Variants in FHOD3 observed in about 807,000 individuals in gnomAD.
FHOD3 encodes the protein FH1/FH2 domain-containing protein 3.
In FHOD3, 90 loss-of-function variants were observed where a neutral mutation model predicts 173.0. The observed-to-expected ratio is 0.52, with a 90% CI of 0.44 to 0.62. The LOEUF (loss-of-function observed/expected upper bound fraction) is 0.62, where lower values mean the gene tolerates loss of function less well. Ranked by LOEUF, FHOD3 falls within the 20% of genes least tolerant of loss-of-function variation. The pLI is 0.00. For synonymous variants in FHOD3, 828 were observed against 823.0 expected (o/e 1.01, Z -0.10); for missense variants, 1,945 against 2,034.7 (o/e 0.96, Z 0.85).
intron 1 of FHOD3, among the ~76,000 whole-genome samples, chr18:36,304,352 GAGTTAA>G (rs1195946377): frequency 6.6e-6 from 1 of 152,174 alleles, no homozygotes; most frequent in Non-Finnish European, 1.5e-5. Flanking sequence ...GATAGACTGT[GAGTTAA>G]AGTTGGATTA....
chr18:36,374,463 T>C (rs2047337272), intron 3 of FHOD3, among the ~76,000 whole-genome samples: 1 of 152,256 alleles, frequency 6.6e-6, no homozygotes, highest in Non-Finnish European at 1.5e-5. Context: ...AAATATTTCA[T>C]AAACTAATTA....
intron 3 of FHOD3, among the ~76,000 whole-genome samples, chr18:36,423,559 C>T (rs1156563363): frequency 6.6e-6 from 1 of 152,140 alleles, no homozygotes; most frequent in East Asian, 1.9e-4. Flanking sequence ...TTCAATGCAT[C>T]GAGCCACCTT....
At chr18:36,360,920 A>G (rs1466908348) in intron 2 of FHOD3, among the ~76,000 whole-genome samples, 1 of 152,226 alleles carries the variant, frequency 6.6e-6, no homozygotes, top group Non-Finnish European at 1.5e-5. Flanking sequence ...GTGGAATGGG[A>G]AATCACAGAA....
intron 5 of FHOD3, among the ~76,000 whole-genome samples, chr18:36,562,183 A>C (rs1448204666): frequency 6.6e-6 from 1 of 151,936 alleles, no homozygotes; most frequent in Non-Finnish European, 1.5e-5. Context: ...CTCCCGGCTA[A>C]TTTTTGTACT....
chr18:36,365,411 A>G (rs1196137162), intron 2 of FHOD3, among the ~76,000 whole-genome samples: 1 of 152,224 alleles, frequency 6.6e-6, no homozygotes, highest in African/African-American at 2.4e-5. Flanking sequence ...GAAAGAAGCC[A>G]GACACAAAAG....
At chr18:36,770,781 T>G in intron 28 of FHOD3, among the ~76,000 whole-genome samples, 1 of 152,176 alleles carries the variant, frequency 6.6e-6, no homozygotes, top group East Asian at 1.9e-4. Flanking sequence ...AAATTCCTGA[T>G]ATCTGGGCTG....
At chr18:36,360,119 T>C (rs1248552936) in intron 2 of FHOD3, among the ~76,000 whole-genome samples, 1 of 152,218 alleles carries the variant, frequency 6.6e-6, no homozygotes, top group Non-Finnish European at 1.5e-5. Flanking sequence ...AATGCCAGCC[T>C]GGGTCCACAG....
At chr18:36,628,694 A>G (rs1476407322) in intron 10 of FHOD3, among the ~76,000 whole-genome samples, 1 of 152,218 alleles carries the variant, frequency 6.6e-6, no homozygotes, top group Non-Finnish European at 1.5e-5. Flanking sequence ...TAAAGTTTAC[A>G]AATTTCATTG....
At chr18:36,593,083 C>T (rs1318116338) in intron 6 of FHOD3, among the ~76,000 whole-genome samples, 1 of 152,162 alleles carries the variant, frequency 6.6e-6, no homozygotes. Context: ...AAAAAGGAGC[C>T]ACTCAGGAGA....
At chr18:36,368,861 A>G (rs946173709) in intron 2 of FHOD3, among the ~76,000 whole-genome samples, 1 of 152,080 alleles carries the variant, frequency 6.6e-6, no homozygotes, top group Non-Finnish European at 1.5e-5. Context: ...TATCACAAGA[A>G]CAGCATGGGG....
At chr18:36,570,095 A>T (rs1308439234) in intron 5 of FHOD3, among the ~76,000 whole-genome samples, 7 of 152,100 alleles carry the variant, frequency 4.6e-5, no homozygotes, top group Non-Finnish European at 8.8e-5. Flanking sequence ...AAATAGAGAA[A>T]ATCAATGAAA....
intron 1 of FHOD3, among the ~76,000 whole-genome samples, chr18:36,332,557 C>T (rs2145241920): frequency 6.6e-6 from 1 of 152,334 alleles, no homozygotes; most frequent in African/African-American, 2.4e-5. Context: ...AGAGGATGCC[C>T]CCCTCTCTGC....
chr18:36,470,409 C>A (rs995497936), intron 3 of FHOD3, among the ~76,000 whole-genome samples: 2 of 152,176 alleles, frequency 1.3e-5, no homozygotes, highest in African/African-American at 4.8e-5. Flanking sequence ...ACGTCTATGA[C>A]GGTTGTCTTG....
rs542261432 is a variant in FHOD3 at position 36,572,684 on chromosome 18, T to C, written c.512-3767T>C. ...TTTGCCTTCTCCCATTGTAATAGTG[T>C]CCTGGCTTCTTGGGCACTTGGCCAG... On this transcript the variant is annotated intron_variant, in intron 5 of 28. Coordinates refer to ENST00000590592, the MANE Select transcript of FHOD3 (RefSeq NM_001281740.3). Among the ~76,000 whole-genome samples, 3 of 152,008 alleles carry C rather than the reference T, an allele frequency of 2.0e-5. No homozygotes were observed. The East Asian group carries it at 5.8e-4, about 30-fold the overall frequency.
chr18:36,418,258 C>T (rs2049780503), intron 3 of FHOD3, among the ~76,000 whole-genome samples: 1 of 152,150 alleles, frequency 6.6e-6, no homozygotes, highest in South Asian at 2.1e-4. Flanking sequence ...TCCATAACAG[C>T]TTCACATTTT....
At chr18:36,632,451 C>A (rs921513016) in intron 10 of FHOD3, among the ~76,000 whole-genome samples, 2 of 152,150 alleles carry the variant, frequency 1.3e-5, no homozygotes, top group East Asian at 1.9e-4. Context: ...AATATGAAAA[C>A]CTTCAGATTC....
chr18:36,306,591 C>T (rs2092105009), intron 1 of FHOD3, among the ~76,000 whole-genome samples: 1 of 152,230 alleles, frequency 6.6e-6, no homozygotes, highest in South Asian at 2.1e-4. Flanking sequence ...CACTCCTCTG[C>T]TCCAAACCTC....
At chr18:36,333,724 G>C (rs773668100) in intron 1 of FHOD3, among the ~76,000 whole-genome samples, 1 of 152,104 alleles carries the variant, frequency 6.6e-6, no homozygotes, top group Non-Finnish European at 1.5e-5. Flanking sequence ...TGACCCCACC[G>C]CCACCCCTCC....
At chr18:36,388,884 G>T (rs2048159081) in intron 3 of FHOD3, among the ~76,000 whole-genome samples, 1 of 152,236 alleles carries the variant, frequency 6.6e-6, no homozygotes. Flanking sequence ...GAAGACAAAT[G>T]ATCTATGTAT....
Sources: allele counts gnomAD v4.1 joint callset (sites outside exome capture counted in the v4.1 genomes callset), GRCh38; gene constraint gnomAD v4.1.1; transcripts MANE v1.5; gene names NCBI Gene and HGNC (gene_info 2026-07-23, HGNC 2026-07-21).